The following FOXN3 variants were observed in gnomAD, a reference collection of about 807,000 sequenced individuals.
FOXN3 encodes forkhead box N3.
In FOXN3, 7 loss-of-function variants were observed where a neutral mutation model predicts 38.4. The ratio of observed to expected loss-of-function variants is 0.18; its 90% CI spans 0.10 to 0.34. The LOEUF is 0.34. Ranked by LOEUF, FOXN3 falls within the 10% of genes least tolerant of loss-of-function variation. The pLI is 1.00. For synonymous variants in FOXN3, 230 were observed against 242.2 expected (o/e 0.95, Z 0.47); for missense variants, 456 against 613.4 (o/e 0.74, Z 2.71).
At chr14:89,235,876 G>A (rs1884965073) in intron 4 of FOXN3, among the ~76,000 whole-genome samples, 1 of 152,170 alleles carries the variant, frequency 6.6e-6, no homozygotes, top group African/African-American at 2.4e-5. Context: ...ACTGATTTTG[G>A]AGTTCTGATC....
intron 1 of FOXN3, among the ~76,000 whole-genome samples, chr14:89,526,194 T>A (rs1055701558): frequency 1.1e-4 from 16 of 152,156 alleles, no homozygotes; most frequent in Non-Finnish European, 1.6e-4. Flanking sequence ...GCTTCCCCTG[T>A]AAGATTAAAA....
intron 4 of FOXN3, among the ~76,000 whole-genome samples, chr14:89,214,416 C>G (rs1884197881): frequency 6.6e-6 from 1 of 152,232 alleles, no homozygotes; most frequent in Admixed American, 6.5e-5. Context: ...TTTGGTTAAT[C>G]TCTTCACATC....
intron 2 of FOXN3, among the ~76,000 whole-genome samples, chr14:89,359,851 G>A (rs1889389040): frequency 6.6e-6 from 1 of 152,180 alleles, no homozygotes; most frequent in African/African-American, 2.4e-5. Flanking sequence ...ATAAGAGAAG[G>A]GTCTCCCTGG....
chr14:89,306,388 G>A (rs960731361), intron 3 of FOXN3, among the ~76,000 whole-genome samples: 2 of 151,294 alleles, frequency 1.3e-5, no homozygotes, highest in Non-Finnish European at 2.9e-5. Flanking sequence ...GAGACGGAGA[G>A]ACGGAGTCTT....
At chr14:89,449,115 T>C (rs989378227) in intron 1 of FOXN3, among the ~76,000 whole-genome samples, 8 of 152,196 alleles carry the variant, frequency 5.3e-5, no homozygotes, top group Non-Finnish European at 1.2e-4. Flanking sequence ...AGCACAAAAA[T>C]CTTTCATGTG....
At chr14:89,500,519 G>A (rs1893774129) in intron 1 of FOXN3, among the ~76,000 whole-genome samples, 1 of 152,180 alleles carries the variant, frequency 6.6e-6, no homozygotes, top group Non-Finnish European at 1.5e-5. Context: ...CTTTGAGAGG[G>A]AAACCAAAGA....
chr14:89,349,611 A>G lies in FOXN3; in HGVS notation c.680+1061T>C, dbSNP rs550811092. ...ATCACGCTAATCGCCTAGCAAAGGC[A>G]GACATACAGCAGTCTTCTCAGAGAG... On this transcript the variant is annotated intron_variant, in intron 3 of 5. Transcript: ENST00000557258. The G allele has an allele frequency of 2.6e-5, 4 of 152,780 alleles. No homozygotes were observed. In the East Asian group the frequency reaches 5.8e-4, roughly 22 times the overall value. The allele number at this position is 152,780 out of a possible 1,614,324, so 9.5% of individuals were successfully genotyped here.
At chr14:89,610,637 T>C (rs1182463911) in intron 1 of FOXN3, among the ~76,000 whole-genome samples, 1 of 152,236 alleles carries the variant, frequency 6.6e-6, no homozygotes, top group African/African-American at 2.4e-5. Context: ...TGTCTATATC[T>C]GCTTAGAATA....
At chr14:89,292,650 C>T (rs538234079) in intron 3 of FOXN3, among the ~76,000 whole-genome samples, 5 of 152,268 alleles carry the variant, frequency 3.3e-5, no homozygotes, top group Admixed American at 1.3e-4. Flanking sequence ...GAGGGTACAG[C>T]GTTCAAGGCC....
At chr14:89,600,093 T>C (rs1437043092) in intron 1 of FOXN3, among the ~76,000 whole-genome samples, 1 of 152,238 alleles carries the variant, frequency 6.6e-6, no homozygotes, top group Non-Finnish European at 1.5e-5. Flanking sequence ...TGACTTTTTT[T>C]CTTTTTAATT....
At chr14:89,379,611 T>C (rs1890581997) in intron 2 of FOXN3, among the ~76,000 whole-genome samples, 1 of 152,168 alleles carries the variant, frequency 6.6e-6, no homozygotes, top group South Asian at 2.1e-4. Flanking sequence ...AAATATAAGC[T>C]CAATTCATTT....
At chr14:89,210,934 C>A in intron 4 of FOXN3, among the ~76,000 whole-genome samples, 1 of 152,206 alleles carries the variant, frequency 6.6e-6, no homozygotes, top group Non-Finnish European at 1.5e-5. Flanking sequence ...CTACAGAACA[C>A]AATTAATTTT....
chr14:89,567,755 C>A lies in FOXN3; in HGVS notation c.-15+51273G>T, dbSNP rs558407237. 1.9e-4 allele frequency among the ~76,000 whole-genome samples: 27 copies of A among 144,420 alleles called. No individual in the cohort carries two copies. In the South Asian group the frequency reaches 5.8e-3, roughly 31 times the overall value. The allele number at this position is 144,420 out of a possible 152,430, so 94.7% of individuals were successfully genotyped here. A position where few individuals can be genotyped will look rare whatever the true frequency, so the allele number is the denominator to read the frequency against. ...TTTTTTTTTTTTAGACAGAGTCTCG[C>A]TCTGTCTCCCAGGCTGGAGTGCAGT... On this transcript the variant is annotated intron_variant, in intron 1 of 6. Coordinates refer to the FOXN3 transcript ENST00000345097.
At chr14:89,442,680 C>A (rs1043837622) in intron 1 of FOXN3, among the ~76,000 whole-genome samples, 1 of 152,132 alleles carries the variant, frequency 6.6e-6, no homozygotes, top group Non-Finnish European at 1.5e-5. Context: ...CCATGGCCCA[C>A]GGGATGACTG....
Position 89,160,028 on chromosome 14 carries a change from C to T in FOXN3, c.*2386G>A, listed in dbSNP as rs1379213067. On this transcript the variant is annotated 3_prime_UTR_variant, in exon 6 of 6. Coordinates refer to ENST00000557258, the MANE Select transcript of FOXN3 (RefSeq NM_005197.4). ...CCGGGCTGATGGAGCTCTGACATTA[C>T]CTCGTCCTGGCAGATGGGCTTGGCT... 1 of 152,136 alleles carries T rather than the reference C, an allele frequency of 6.6e-6. No individual in the cohort carries two copies. The highest frequency in any genetic ancestry group is 1.5e-5 in the Non-Finnish European group (1 of 68,080). The allele number at this position is 152,136 out of a possible 1,614,324, so 9.4% of individuals were successfully genotyped here.
intron 4 of FOXN3, among the ~76,000 whole-genome samples, chr14:89,262,106 AG>A (rs757680277): frequency 7.8e-4 from 119 of 152,196 alleles, no homozygotes; most frequent in South Asian, 1.5e-3. Context: ...CTGTCTCAAA[AG>A]AAAAAAAAAA....
At chr14:89,349,064 G>A (rs996130105) in intron 3 of FOXN3, among the ~76,000 whole-genome samples, 1 of 152,132 alleles carries the variant, frequency 6.6e-6, no homozygotes, top group African/African-American at 2.4e-5. Flanking sequence ...ATTCCATGCA[G>A]CTTGGAGAGT....
chr14:89,504,006 GAC>G (rs1429767270), intron 1 of FOXN3, among the ~76,000 whole-genome samples: 2 of 152,176 alleles, frequency 1.3e-5, no homozygotes, highest in African/African-American at 4.8e-5. Context: ...AGACAGCAGA[GAC>G]TCTCCTCCTC....
chr14:89,604,716 T>A (rs949226970), intron 1 of FOXN3, among the ~76,000 whole-genome samples: 2 of 152,132 alleles, frequency 1.3e-5, no homozygotes, highest in Non-Finnish European at 2.9e-5. Flanking sequence ...TACAAATAAG[T>A]TGACATCTGA....
Sources: allele counts gnomAD v4.1 joint callset (sites outside exome capture counted in the v4.1 genomes callset), GRCh38; gene constraint gnomAD v4.1.1; transcripts MANE v1.5; gene names NCBI Gene and HGNC (gene_info 2026-07-23, HGNC 2026-07-21).